Variants in ERBB4 observed in about 807,000 individuals in gnomAD.
ERBB4 encodes receptor tyrosine-protein kinase erbB-4.
ERBB4 carries 42 observed loss-of-function variants against 158.0 expected under a neutral mutation model. The ratio of observed to expected loss-of-function variants is 0.27; its 90% CI spans 0.21 to 0.34. ERBB4 has a LOEUF of 0.34. Among genes scored for constraint, ERBB4 ranks in the 10% least tolerant of loss-of-function variants. The pLI, the probability that ERBB4 is intolerant of heterozygous loss-of-function variation, is 1.00. For missense variants in ERBB4, 1,333 were observed against 1,624.1 expected, an observed-to-expected ratio of 0.82 and a Z score of 3.08; for synonymous variants, 583 against 558.7, an observed-to-expected ratio of 1.04 and a Z score of -0.61.
Position 211,750,686 on chromosome 2 carries a change from G to T in ERBB4, c.575C>A (p.Ser192Tyr), listed in dbSNP as rs540532321. 1 of 1,613,906 alleles carries T rather than the reference G, an allele frequency of 6.2e-7. No individual in the cohort carries two copies. Among genetic ancestry groups the T allele is most frequent in the East Asian group, 2.2e-5 (1 of 44,858 alleles). Residue 192 changes from serine to tyrosine, a missense_variant, in exon 5 of 28, where the codon TCC (serine) becomes TAC (tyrosine). This residue lies in a region of ERBB4 where 438 missense variants were observed against 586.9 expected (regional missense o/e 0.75). Coordinates refer to ENST00000342788, the MANE Select transcript of ERBB4 (RefSeq NM_005235.3). ...GGGTCCCCAGCAACGGCCAGTACAG[G>T]ACTTATGGCAACGTCCACCTGCAGA... ...GSSGCGRCHKSCTGRCWGPTE... is the reference protein window; with the variant it reads ...GSSGCGRCHKYCTGRCWGPTE...
intron 6 of ERBB4, among the ~76,000 whole-genome samples, chr2:211,723,533 T>C (rs1431202592): frequency 1.3e-5 from 2 of 152,162 alleles, no homozygotes; most frequent in Non-Finnish European, 2.9e-5. Context: ...ATTGTTGTTT[T>C]AGCAAGCACT....
At chr2:211,713,137 C>A (rs1315795238) in intron 8 of ERBB4, among the ~76,000 whole-genome samples, 1 of 151,904 alleles carries the variant, frequency 6.6e-6, no homozygotes, top group African/African-American at 2.4e-5. Context: ...ATTTCATGCC[C>A]CTCTGGATCT....
At chr2:211,975,241 C>A (rs2081573087) in intron 2 of ERBB4, among the ~76,000 whole-genome samples, 1 of 152,180 alleles carries the variant, frequency 6.6e-6, no homozygotes, top group African/African-American at 2.4e-5. Context: ...CTCCACCGCC[C>A]AAAGTACTAG....
At chr2:211,861,354 T>TG (rs760607686) in intron 3 of ERBB4, among the ~76,000 whole-genome samples, 22,396 of 116,954 alleles carry the variant, frequency 0.19, 2,334 homozygotes, top group South Asian at 0.32. Flanking sequence ...TTTTTTGTTT[T>TG]TTTTTTTTTT....
intron 25 of ERBB4, among the ~76,000 whole-genome samples, chr2:211,394,706 T>C (rs2062873873): frequency 6.6e-6 from 1 of 152,060 alleles, no homozygotes; most frequent in South Asian, 2.1e-4. Context: ...TTCAAATGAA[T>C]CGTGAAGTTG....
chr2:212,212,581 T>C (rs1277087550), intron 1 of ERBB4, among the ~76,000 whole-genome samples: 2 of 151,716 alleles, frequency 1.3e-5, no homozygotes, highest in Admixed American at 6.6e-5. Context: ...AAATTTCATA[T>C]GGAATCAAAG....
rs192577248 is a variant in ERBB4, at chr2:212,185,427, G to A, written c.83-60524C>T. ...CTTGAAGATTACAGTTTTAACTATG[G>A]GTTTCAATTATTTTGATATTCAGAA... On this transcript the variant is annotated intron_variant, in intron 1 of 27. Transcript: ENST00000342788. 4.9e-4 allele frequency among the ~76,000 whole-genome samples: 75 copies of A among 151,756 alleles called. 2 individuals are homozygous for A. In the East Asian group the frequency reaches 0.012, roughly 25 times the overall value.
chr2:212,003,192 A>G lies in ERBB4; in HGVS notation c.235-55576T>C, dbSNP rs1362284844. ...AAGAAAGAAAGAAAGAAAGAAAGAA[A>G]GAAAGAAAGAAAGACAGAAAGAAGG... On this transcript the variant is annotated intron_variant, in intron 2 of 27. Transcript: ENST00000342788. Among the ~76,000 whole-genome samples, 18 of 71,056 alleles carry G rather than the reference A, an allele frequency of 2.5e-4. 1 individual carries two copies. Among genetic ancestry groups the G allele is most frequent in the South Asian group, 5.2e-4 (1 of 1,926 alleles). The allele number at this position is 71,056 out of a possible 152,430, so 46.6% of individuals were successfully genotyped here.
intron 3 of ERBB4, among the ~76,000 whole-genome samples, chr2:211,854,387 AT>A (rs979481147): frequency 6.6e-6 from 1 of 152,072 alleles, no homozygotes; most frequent in African/African-American, 2.4e-5. Context: ...CAATTTTCAC[AT>A]TTTTTTAAAA....
chr2:211,561,416 A>G (rs1459978870), intron 20 of ERBB4, among the ~76,000 whole-genome samples: 2 of 152,204 alleles, frequency 1.3e-5, no homozygotes, highest in East Asian at 3.8e-4. Flanking sequence ...TTTGTGTAAG[A>G]CTAAAACTCT....
chr2:212,045,680 T>A (rs928583580), intron 2 of ERBB4, among the ~76,000 whole-genome samples: 1 of 152,150 alleles, frequency 6.6e-6, no homozygotes, highest in Non-Finnish European at 1.5e-5. Flanking sequence ...TCAATAAGAC[T>A]TAAGGCTGAT....
At chr2:212,125,807 T>C (rs942894265) in intron 1 of ERBB4, among the ~76,000 whole-genome samples, 1 of 152,216 alleles carries the variant, frequency 6.6e-6, no homozygotes, top group Non-Finnish European at 1.5e-5. Context: ...ATTTTCTTTA[T>C]CCAGTCTATT....
intron 20 of ERBB4, among the ~76,000 whole-genome samples, chr2:211,457,151 C>T (rs973618057): frequency 1.3e-5 from 2 of 152,170 alleles, no homozygotes; most frequent in Admixed American, 1.3e-4. Context: ...AAATCATCAC[C>T]TCTTCACACT....
intron 25 of ERBB4, among the ~76,000 whole-genome samples, chr2:211,419,320 A>T (rs1402924091): frequency 6.6e-6 from 1 of 152,106 alleles, no homozygotes; most frequent in African/African-American, 2.4e-5. Flanking sequence ...AGGTTAACAT[A>T]TATGTGTTGA....
At chr2:211,548,476 T>G (rs1178546560) in intron 20 of ERBB4, among the ~76,000 whole-genome samples, 1 of 152,068 alleles carries the variant, frequency 6.6e-6, no homozygotes, top group African/African-American at 2.4e-5. Context: ...ACAAGAGGTA[T>G]ACGACCTCAT....
chr2:211,564,872 T>C (rs2067502797), intron 19 of ERBB4, among the ~76,000 whole-genome samples: 1 of 152,196 alleles, frequency 6.6e-6, no homozygotes, highest in African/African-American at 2.4e-5. Context: ...ATTGATAGAA[T>C]GCCTGATGAA....
chr2:212,317,457 G>T (rs755584705), intron 1 of ERBB4, among the ~76,000 whole-genome samples: 9 of 151,582 alleles, frequency 5.9e-5, no homozygotes, highest in Non-Finnish European at 5.9e-5. Flanking sequence ...CTAAGACTCT[G>T]ATGCTTTGAA....
At chr2:212,283,568 C>A (rs1372959552) in intron 1 of ERBB4, among the ~76,000 whole-genome samples, 2 of 151,690 alleles carry the variant, frequency 1.3e-5, no homozygotes. Context: ...CAATTTTAAA[C>A]CCTAAAATAT....
chr2:212,370,951 T>G (rs1488710204), intron 1 of ERBB4, among the ~76,000 whole-genome samples: 10 of 152,202 alleles, frequency 6.6e-5, no homozygotes, highest in Non-Finnish European at 1.5e-5. Flanking sequence ...TTCTCCCACA[T>G]AACCATTATT....
Sources: gnomAD v4.1 joint callset for allele counts (sites outside exome capture counted in the v4.1 genomes callset) on GRCh38, gnomAD v4.1.1 for gene constraint, gnomAD v4.1.1 regional missense constraint, MANE v1.5 for transcripts, NCBI Gene and HGNC (gene_info 2026-07-23, HGNC 2026-07-21) for gene names.